Variants in BAG2 observed in about 807,000 individuals in gnomAD.
The protein encoded by BAG2 is BAG cochaperone 2, also known as BAG family molecular chaperone regulator 2.
BAG2 carries 8 observed loss-of-function variants against 16.4 expected under a neutral mutation model. The ratio of observed to expected loss-of-function variants is 0.49; its 90% CI spans 0.29 to 0.88. The LOEUF (loss-of-function observed/expected upper bound fraction) is 0.88. Among genes scored for constraint, BAG2 ranks in the 40% least tolerant of loss-of-function variants. The pLI, the probability that BAG2 is intolerant of heterozygous loss-of-function variation, is 0.09. For synonymous variants in BAG2, 82 were observed against 89.2 expected (o/e 0.92, Z 0.46); for missense variants, 218 against 248.9 (o/e 0.88, Z 0.84).
Position 57,188,782 on chromosome 6 carries a change from A to ATTT in BAG2, c.*4593_*4595dup, listed in dbSNP as rs1764715051. The ATTT allele has an allele frequency of 6.6e-6, 1 of 152,220 alleles. No individual in the cohort carries two copies. The highest frequency in any genetic ancestry group is 6.5e-5 in the Admixed American group (1 of 15,280). The allele number at this position is 152,220 out of a possible 1,614,324, so 9.4% of individuals were successfully genotyped here. A position where few individuals can be genotyped will look rare whatever the true frequency, so the allele number is the denominator to read the frequency against. ...CATTTCAATATAATGAAAAGCAAAA[A>ATTT]TTTACTTTTTAATTTTTTTTATTTT... On this transcript the variant is annotated 3_prime_UTR_variant, in exon 3 of 3. Coordinates refer to ENST00000370693, the MANE Select transcript of BAG2 (RefSeq NM_004282.4).
rs1764629332 is a variant in BAG2, at chr6:57,187,055, G to A, written c.*2865G>A. On this transcript the variant is annotated 3_prime_UTR_variant, in exon 3 of 3. Coordinates refer to ENST00000370693, the MANE Select transcript of BAG2 (RefSeq NM_004282.4). ...ATTCATCCTTCATGAAATTTTTAGA[G>A]TAGTGTTTTAAATTAAGCTCCAGAG... 6.6e-6 allele frequency: 1 copy of A among 152,146 alleles called. No homozygotes were observed. Among genetic ancestry groups the A allele is most frequent in the Non-Finnish European group, 1.5e-5 (1 of 68,008 alleles). 9.4% of individuals were successfully genotyped at this position (152,146 alleles called of 1,614,324 possible). A position where few individuals can be genotyped will look rare whatever the true frequency, so the allele number is the denominator to read the frequency against.
intron 1 of BAG2, chr6:57,173,383 T>C: frequency 1.0e-6 from 1 of 985,336 alleles, no homozygotes; most frequent in East Asian, 1.1e-4. Context: ...TACCGGGTGC[T>C]TCGTGCAGCA....
Position 57,187,414 on chromosome 6 carries a change from A to G in BAG2, c.*3224A>G, listed in dbSNP as rs777516864. 1.3e-4 allele frequency: 20 copies of G among 152,174 alleles called. No individual in the cohort carries two copies. The highest frequency in any genetic ancestry group is 8.5e-4 in the Admixed American group (13 of 15,286). 9.4% of individuals were successfully genotyped at this position (152,174 alleles called of 1,614,324 possible). On this transcript the variant is annotated 3_prime_UTR_variant, in exon 3 of 3. Coordinates refer to ENST00000370693, the MANE Select transcript of BAG2 (RefSeq NM_004282.4). ...TTACATGTTTTATAGCTGAAAACCT[A>G]AGGAGTGACAATAGTACATGTGACA...
chr6:57,172,841 C>A, intron 1 of BAG2, 31 bp downstream of exon 1: 2 of 1,438,924 alleles, frequency 1.4e-6, no homozygotes, highest in South Asian at 1.4e-5. Flanking sequence ...CTCGGGCGTT[C>A]TGCTCGCCGC....
At chr6:57,179,951 C>A (rs1764389910) in intron 1 of BAG2, among the ~76,000 whole-genome samples, 2 of 147,590 alleles carry the variant, frequency 1.4e-5, no homozygotes, top group Non-Finnish European at 1.5e-5. Context: ...TACTGAAGGA[C>A]CTTTTCTTAA....
chr6:57,181,195 T>C (rs1764430238), intron 1 of BAG2, among the ~76,000 whole-genome samples: 1 of 152,210 alleles, frequency 6.6e-6, no homozygotes, highest in Non-Finnish European at 1.5e-5. Context: ...ACATACCCTT[T>C]GTCTTAGCAG....
intron 1 of BAG2, among the ~76,000 whole-genome samples, chr6:57,175,452 A>G (rs190566739): frequency 2.6e-4 from 40 of 152,254 alleles, no homozygotes; most frequent in African/African-American, 8.7e-4. Flanking sequence ...CACCTGCCTT[A>G]CCTCTAGTCT....
chr6:57,177,309 G>A (rs1254889844), intron 1 of BAG2, among the ~76,000 whole-genome samples: 1 of 152,062 alleles, frequency 6.6e-6, no homozygotes, highest in South Asian at 2.1e-4. Context: ...CTAGCCACTC[G>A]GGAGGCTGAG....
At chr6:57,175,385 A>G (rs1233963696) in intron 1 of BAG2, among the ~76,000 whole-genome samples, 4 of 152,110 alleles carry the variant, frequency 2.6e-5, no homozygotes, top group African/African-American at 9.7e-5. Context: ...GTCTTACGTT[A>G]TAATGTTGGG....
rs1345085240 is a variant in BAG2 at position 57,185,516 on chromosome 6, T to C, written c.*1326T>C. The C allele has an allele frequency of 2.0e-5, 3 of 152,346 alleles. No individual in the cohort carries two copies. In the East Asian group the frequency reaches 5.8e-4, roughly 29 times the overall value. The allele number at this position is 152,346 out of a possible 1,614,324, so 9.4% of individuals were successfully genotyped here. A position where few individuals can be genotyped will look rare whatever the true frequency, so the allele number is the denominator to read the frequency against. On this transcript the variant is annotated 3_prime_UTR_variant, in exon 3 of 3. Transcript: ENST00000370693. ...CAATGCAAGCAATATCAAACTTCATTTTCTCTACAAAAATGCCAAGTTAGT... is the reference window on the plus strand; with the variant it reads ...CAATGCAAGCAATATCAAACTTCATCTTCTCTACAAAAATGCCAAGTTAGT...
intron 1 of BAG2, among the ~76,000 whole-genome samples, chr6:57,179,354 T>G (rs964989254): frequency 3.3e-5 from 5 of 152,226 alleles, no homozygotes; most frequent in African/African-American, 7.2e-5. Context: ...CTGGCTCTTA[T>G]AAACACACTT....
At chr6:57,182,195 T>C (rs558216538) in intron 2 of BAG2, 54 bp downstream of exon 2, 70 of 1,518,762 alleles carry the variant, frequency 4.6e-5, no homozygotes, top group Middle Eastern at 1.7e-4. Flanking sequence ...TTAAAGAGTT[T>C]ATGATAAGTG....
At chr6:57,183,061 T>C (rs1320230746) in intron 2 of BAG2, among the ~76,000 whole-genome samples, 1 of 152,200 alleles carries the variant, frequency 6.6e-6, no homozygotes, top group Non-Finnish European at 1.5e-5. Context: ...ACAGGCCACA[T>C]GGTACTGGGC....
intron 1 of BAG2, chr6:57,173,422 A>T (rs1199858405): frequency 2.0e-6 from 2 of 985,090 alleles, no homozygotes; most frequent in Non-Finnish European, 2.4e-6. Context: ...TTTCTCCCCT[A>T]ACCTCGCGGA....
chr6:57,187,893 G>T lies in BAG2; in HGVS notation c.*3703G>T, dbSNP rs1257226038. ...AAAGTAACGTGTGCTATCAACTTTG[G>T]GCAGATACAAAGGAAATCATTTAAC... On this transcript the variant is annotated 3_prime_UTR_variant, in exon 3 of 3. Transcript: ENST00000370693. 6.6e-6 allele frequency: 1 copy of T among 151,612 alleles called. No individual in the cohort carries two copies. Among genetic ancestry groups the T allele is most frequent in the African/African-American group, 2.4e-5 (1 of 41,148 alleles). The allele number at this position is 151,612 out of a possible 1,614,324, so 9.4% of individuals were successfully genotyped here. A position where few individuals can be genotyped will look rare whatever the true frequency, so the allele number is the denominator to read the frequency against.
At chr6:57,180,530 T>C (rs1764408069) in intron 1 of BAG2, among the ~76,000 whole-genome samples, 1 of 151,906 alleles carries the variant, frequency 6.6e-6, no homozygotes, top group Non-Finnish European at 1.5e-5. Context: ...ATAGCGAATA[T>C]ACATTCGCTA....
At chr6:57,173,286 C>T (rs1183528269) in intron 1 of BAG2, 2 of 985,632 alleles carry the variant, frequency 2.0e-6, no homozygotes, top group Non-Finnish European at 2.4e-6. Flanking sequence ...AGTTTCCTTG[C>T]TTCAGAACAA....
At position 57,187,993 on chromosome 6, in the gene BAG2, AG is replaced by A. The variant is rs1462617618; in HGVS notation, c.*3805del. ...TTAATTCATAGACAGAGACTGGAAAAGGAAAAGGAAACCTGAGGAACTCTGA... is the reference window on the plus strand; with the variant it reads ...TTAATTCATAGACAGAGACTGGAAAAGAAAAGGAAACCTGAGGAACTCTGA... On this transcript the variant is annotated 3_prime_UTR_variant, in exon 3 of 3. Coordinates refer to ENST00000370693, the MANE Select transcript of BAG2 (RefSeq NM_004282.4). 1 of 152,176 alleles carries A rather than the reference AG, an allele frequency of 6.6e-6. No individual in the cohort carries two copies. The allele number at this position is 152,176 out of a possible 1,614,324, so 9.4% of individuals were successfully genotyped here.
At position 57,188,263 on chromosome 6, in the gene BAG2, C is replaced by G. The variant is rs1764687895; in HGVS notation, c.*4073C>G. The G allele has an allele frequency of 6.6e-6, 1 of 152,040 alleles. No homozygotes were observed. 9.4% of individuals were successfully genotyped at this position (152,040 alleles called of 1,614,324 possible). On this transcript the variant is annotated 3_prime_UTR_variant, in exon 3 of 3. Transcript: ENST00000370693. ...TTAACATGGCTGACTTTCAGGCCTA[C>G]TTAATTATTTTAAATGACTAATTAT...
Sources: allele counts gnomAD v4.1 joint callset (sites outside exome capture counted in the v4.1 genomes callset), GRCh38; gene constraint gnomAD v4.1.1; transcripts MANE v1.5; gene names NCBI Gene and HGNC (gene_info 2026-07-23, HGNC 2026-07-21).